GOLGA1: variants seen among roughly 807,000 people sequenced by gnomAD.
GOLGA1 encodes golgin subfamily A member 1.
A neutral mutation model predicts 119.7 loss-of-function variants in GOLGA1; 63 were observed. That is an observed-to-expected ratio of 0.53 (90% CI 0.43 to 0.65). The LOEUF (loss-of-function observed/expected upper bound fraction) is 0.65. Among genes scored for constraint, GOLGA1 ranks in the 30% least tolerant of loss-of-function variants. The probability of loss-of-function intolerance (pLI) is 0.00; values close to 1 mark genes in which losing one functional copy is unlikely to be tolerated. For missense variants in GOLGA1, 798 were observed against 912.8 expected, an observed-to-expected ratio of 0.87 and a Z score of 1.62; for synonymous variants, 318 against 333.4, an observed-to-expected ratio of 0.95 and a Z score of 0.50.
upstream of GOLGA1, chr9:124,944,743 A>G (rs1488554816): frequency 6.6e-6 from 1 of 152,172 alleles, no homozygotes; most frequent in Non-Finnish European, 1.5e-5. Context: ...ATTCTCATGT[A>G]TGATCATTTC....
At chr9:124,889,381 AG>A (rs1829802932) in intron 17 of GOLGA1, 52 bp downstream of exon 17, 1 of 1,593,860 alleles carries the variant, frequency 6.3e-7, no homozygotes, top group East Asian at 2.2e-5. Flanking sequence ...GTCACAAGGC[AG>A]GATGCTGGGC....
At position 124,881,438 on chromosome 9, in the gene GOLGA1, C is replaced by G. The variant is rs975583203; in HGVS notation, c.2137-181G>C. On this transcript the variant is annotated intron_variant, in intron 21 of 22. Transcript: ENST00000373555. This position sits in a 1 kb window ranked among gnomAD's most constrained non-coding sequence, Gnocchi z 4.9. ...CTTTCTTCCCCTGCATCCTCGGGGG[C>G]CTGGCAGGCTTAAGGGAACTGCCCC... is the stretch of plus-strand genomic sequence containing the variant. 8.5e-5 allele frequency among the ~76,000 whole-genome samples: 13 copies of G among 152,292 alleles called. No individual in the cohort carries two copies. Among genetic ancestry groups the G allele is most frequent in the African/African-American group, 3.1e-4 (13 of 41,558 alleles).
intron 15 of GOLGA1, among the ~76,000 whole-genome samples, chr9:124,895,862 TCCACAACAGAGACCCAC>T (rs370686692): frequency 0.023 from 2,534 of 109,774 alleles, 82 homozygotes; most frequent in African/African-American, 0.078. Flanking sequence ...CAGAGAACCC[TCCACAACAGAGACCCAC>T]CCACAACAGA....
Position 124,888,197 on chromosome 9 carries a change from G to T in GOLGA1, c.1905+56C>A. On this transcript the variant is annotated intron_variant, in intron 19 of 22. Coordinates refer to ENST00000373555, the MANE Select transcript of GOLGA1 (RefSeq NM_002077.4). The surrounding 1 kb of genome is among the most constrained non-coding windows in gnomAD (Gnocchi z 4.4). ...CCAAGGATGGACTGGGTCATTTTAG[G>T]CCTGAGGGTGAGGACCTGGTGGAGA... The T allele has an allele frequency of 3.2e-6, 5 of 1,550,290 alleles. No individual in the cohort carries two copies. The highest frequency in any genetic ancestry group is 4.5e-6 in the Non-Finnish European group (5 of 1,123,216).
rs1305925145 is a variant in GOLGA1, at chr9:124,878,658, T to C, written c.*1872A>G. 1.3e-5 allele frequency: 2 copies of C among 152,204 alleles called. No homozygotes were observed. The highest frequency in any genetic ancestry group is 1.3e-4 in the Admixed American group (2 of 15,278). 9.4% of individuals were successfully genotyped at this position (152,204 alleles called of 1,614,324 possible). A position where few individuals can be genotyped will look rare whatever the true frequency, so the allele number is the denominator to read the frequency against. The stretch of plus-strand genomic sequence containing the variant: ...AGCCTCCCTAAAGTGAGTACAGACC[T>C]AGGAACGGGCCCCACAGCTACACCT... On this transcript the variant is annotated 3_prime_UTR_variant, in exon 23 of 23. Coordinates refer to ENST00000373555, the MANE Select transcript of GOLGA1 (RefSeq NM_002077.4).
chr9:124,933,597 T>C (rs1718078240), intron 3 of GOLGA1, among the ~76,000 whole-genome samples: 3 of 152,116 alleles, frequency 2.0e-5, no homozygotes, highest in Non-Finnish European at 4.4e-5. Context: ...GTATTTTTAG[T>C]AGAGACAGGG....
At chr9:124,917,832 A>G (rs1044790916) in intron 10 of GOLGA1, among the ~76,000 whole-genome samples, 1 of 151,856 alleles carries the variant, frequency 6.6e-6, no homozygotes, top group African/African-American at 2.4e-5. Flanking sequence ...TACGGCTCCA[A>G]CTGGATCTGA....
rs1215027434 is a variant in GOLGA1 at position 124,931,312 on chromosome 9, A to G, written c.226+4T>C. The stretch of plus-strand genomic sequence containing the variant: ...GTTTGCTTTTTATGAGTTCTTAGAC[A>G]TACCAGAAAGTCTGGCCTCTAACTT... On this transcript the variant is annotated splice_donor_region_variant and intron_variant, in intron 4 of 22. Coordinates refer to ENST00000373555, the MANE Select transcript of GOLGA1 (RefSeq NM_002077.4). The G allele has an allele frequency of 7.1e-7, 1 of 1,417,354 alleles. No homozygotes were observed. The highest frequency in any genetic ancestry group is 1.7e-5 in the Admixed American group (1 of 59,752). 87.8% of individuals were successfully genotyped at this position (1,417,354 alleles called of 1,614,324 possible).
intron 4 of GOLGA1, among the ~76,000 whole-genome samples, chr9:124,930,541 G>T (rs1023788196): frequency 4.6e-5 from 7 of 152,118 alleles, no homozygotes. Flanking sequence ...CATACAATTT[G>T]GTGAATTTGG....
intron 12 of GOLGA1, among the ~76,000 whole-genome samples, chr9:124,908,011 A>C (rs1336450494): frequency 6.6e-6 from 1 of 152,242 alleles, no homozygotes; most frequent in Non-Finnish European, 1.5e-5. Context: ...GTACAGACAG[A>C]AGTTGAGGCA....
intron 20 of GOLGA1, among the ~76,000 whole-genome samples, chr9:124,882,225 C>A (rs1187798343): frequency 6.6e-6 from 1 of 152,194 alleles, no homozygotes. Context: ...CACACACACA[C>A]ACTGTTAGAG....
chr9:124,921,841 G>A lies in GOLGA1; in HGVS notation c.613C>T (p.Arg205Ter), dbSNP rs751415664. ...LGKMEQELEA[R>*]TRELSRTQEE... is the part of the protein sequence containing the mutation. ...TGGGTACGACTAAGTTCTCTGGTTC[G>A]TGCCTCCAATTCTTGTTCCATTTTC... Residue 205 changes from arginine to a stop codon, truncating the protein, a stop_gained, in exon 9 of 23, where the codon CGA (arginine) becomes TGA (stop). Coordinates refer to ENST00000373555, the MANE Select transcript of GOLGA1 (RefSeq NM_002077.4). LOFTEE classifies it high-confidence loss of function. The A allele has an allele frequency of 1.2e-6, 2 of 1,613,402 alleles. No individual in the cohort carries two copies. Among genetic ancestry groups the A allele is most frequent in the Non-Finnish European group, 8.5e-7 (1 of 1,179,350 alleles).
At chr9:124,921,088 G>C in intron 10 of GOLGA1, 41 bp downstream of exon 10, 2 of 1,196,798 alleles carry the variant, frequency 1.7e-6, no homozygotes, top group South Asian at 1.2e-5. Flanking sequence ...TAGTTTTTAT[G>C]AATCTTAGAA....
At chr9:124,933,952 G>A (rs1274198997) in intron 3 of GOLGA1, among the ~76,000 whole-genome samples, 8 of 151,790 alleles carry the variant, frequency 5.3e-5, no homozygotes, top group African/African-American at 1.7e-4. Flanking sequence ...CCTTTGCTGA[G>A]TCTGTTTTAG....
At chr9:124,919,365 G>C (rs1222557718) in intron 10 of GOLGA1, among the ~76,000 whole-genome samples, 1 of 152,216 alleles carries the variant, frequency 6.6e-6, no homozygotes, top group Non-Finnish European at 1.5e-5. Flanking sequence ...GTTCTATAAT[G>C]AAACTGTAAG....
intron 10 of GOLGA1, among the ~76,000 whole-genome samples, chr9:124,917,466 C>T (rs1335106290): frequency 6.6e-6 from 1 of 152,190 alleles, no homozygotes; most frequent in Non-Finnish European, 1.5e-5. Flanking sequence ...CTTTTCTCTT[C>T]CTGTCCTCCC....
chr9:124,911,501 G>C (rs1830341332), intron 11 of GOLGA1, among the ~76,000 whole-genome samples: 1 of 152,244 alleles, frequency 6.6e-6, no homozygotes, highest in South Asian at 2.1e-4. Flanking sequence ...CCTTGGGAAG[G>C]AGAGAATGCT....
intron 10 of GOLGA1, among the ~76,000 whole-genome samples, chr9:124,918,788 T>C (rs183207856): frequency 6.6e-6 from 1 of 152,018 alleles, no homozygotes; most frequent in African/African-American, 2.4e-5. Flanking sequence ...AAACCAAAGT[T>C]GTGTATCTAT....
At chr9:124,903,734 T>C (rs1452667465) in intron 12 of GOLGA1, among the ~76,000 whole-genome samples, 2 of 148,584 alleles carry the variant, frequency 1.3e-5, no homozygotes, top group African/African-American at 4.9e-5. Context: ...GGTCTATACA[T>C]ATAATGGAAT....
Sources: gnomAD v4.1 joint callset for allele counts (sites outside exome capture counted in the v4.1 genomes callset) on GRCh38, gnomAD v4.1.1 for gene constraint, Gnocchi (gnomAD v3.1) non-coding constraint, MANE v1.5 for transcripts, NCBI Gene and HGNC (gene_info 2026-07-23, HGNC 2026-07-21) for gene names.